The following TSC22D1 variants were observed in gnomAD, a reference collection of about 807,000 sequenced individuals.
TSC22D1 encodes TSC22 domain family member 1, also known as TSC22 domain family protein 1.
A neutral mutation model predicts 74.2 loss-of-function variants in TSC22D1; 9 were observed. The observed-to-expected ratio is 0.12, with a 90% CI of 0.07 to 0.21. The LOEUF (loss-of-function observed/expected upper bound fraction) is 0.21, where lower values mean the gene tolerates loss of function less well. TSC22D1 is among the 10% of genes least tolerant of loss of function. TSC22D1 has a pLI of 1.00. For missense variants in TSC22D1, 1,427 were observed against 1,304.7 expected (o/e 1.09, Z -1.44); for synonymous variants, 586 against 492.5 (o/e 1.19, Z -2.51).
chr13:44,542,443 A>G (rs960339792), intron 1 of TSC22D1, among the ~76,000 whole-genome samples: 1 of 152,134 alleles, frequency 6.6e-6, no homozygotes, highest in African/African-American at 2.4e-5. Context: ...CACACACCAC[A>G]GTATAATATA....
At chr13:44,561,128 T>TA (rs1213298679) in intron 1 of TSC22D1, among the ~76,000 whole-genome samples, 1 of 152,182 alleles carries the variant, frequency 6.6e-6, no homozygotes, top group African/African-American at 2.4e-5. Context: ...TTGGGCTCCT[T>TA]ACATTCCACA....
At chr13:44,534,361 T>TAAAAAAAAA (rs61378692) in intron 1 of TSC22D1, among the ~76,000 whole-genome samples, 1 of 107,274 alleles carries the variant, frequency 9.3e-6, no homozygotes, top group Non-Finnish European at 2.0e-5. Flanking sequence ...GACCCCGTCT[T>TAAAAAAAAA]AAAAAAAAAA....
chr13:44,477,091 G>A (rs1004370239), intron 1 of TSC22D1, among the ~76,000 whole-genome samples: 3 of 152,020 alleles, frequency 2.0e-5, no homozygotes, highest in African/African-American at 4.8e-5. Flanking sequence ...AATGATTTTC[G>A]TGCCTCAGCC....
chr13:44,527,218 G>A (rs74467491), intron 1 of TSC22D1, among the ~76,000 whole-genome samples: 3,517 of 152,032 alleles, frequency 0.023, 125 homozygotes, highest in African/African-American at 0.078. Flanking sequence ...ATAGGTTACC[G>A]ATCTGCACAA....
intron 1 of TSC22D1, among the ~76,000 whole-genome samples, chr13:44,454,786 T>C (rs748451175): frequency 3.3e-5 from 5 of 152,076 alleles, no homozygotes; most frequent in Non-Finnish European, 7.4e-5. Context: ...CGCAAAGGAG[T>C]TATGTGACTT....
intron 1 of TSC22D1, among the ~76,000 whole-genome samples, chr13:44,465,579 G>A (rs199939077): frequency 5.1e-4 from 78 of 152,280 alleles, no homozygotes; most frequent in African/African-American, 1.9e-3. Flanking sequence ...TAGACCAGAG[G>A]GGGCACTGGC....
chr13:44,538,738 C>T (rs1479367564), intron 1 of TSC22D1: 4 of 985,276 alleles, frequency 4.1e-6, no homozygotes, highest in Non-Finnish European at 4.8e-6. Context: ...CTGGCTCATC[C>T]TTGTGTCTTC....
At chr13:44,474,901 T>C (rs1322169526) in intron 1 of TSC22D1, among the ~76,000 whole-genome samples, 1 of 152,108 alleles carries the variant, frequency 6.6e-6, no homozygotes, top group Non-Finnish European at 1.5e-5. Flanking sequence ...CCCAGTACAA[T>C]AAGGCCTCAT....
chr13:44,451,218 AACAG>A (rs1236873277), intron 1 of TSC22D1, among the ~76,000 whole-genome samples: 4 of 152,216 alleles, frequency 2.6e-5, no homozygotes, highest in African/African-American at 4.8e-5. Context: ...GTTAGACAGA[AACAG>A]ACAGACGGCA....
At chr13:44,444,305 A>G (rs922656873) in intron 1 of TSC22D1, among the ~76,000 whole-genome samples, 3 of 140,192 alleles carry the variant, frequency 2.1e-5, no homozygotes, top group African/African-American at 8.0e-5. Context: ...AAAAAAAAAA[A>G]AAAGAAAAGA....
rs530892485 is a variant in TSC22D1 at position 44,458,356 on chromosome 13, T to C, written c.2913-22261A>G. On this transcript the variant is annotated intron_variant, in intron 1 of 2. Transcript: ENST00000458659. ...GATTTTGAGCACTGGAGTTAGAGCC[T>C]AATTCAAATTTCCAAAAATCACTTA... is the stretch of plus-strand genomic sequence containing the variant. 3.0e-4 allele frequency among the ~76,000 whole-genome samples: 45 copies of C among 152,350 alleles called. 1 individual carries two copies. In the South Asian group the frequency reaches 8.7e-3, roughly 29 times the overall value.
At chr13:44,551,370 C>A (rs1595158731) in intron 1 of TSC22D1, among the ~76,000 whole-genome samples, 3 of 122,740 alleles carry the variant, frequency 2.4e-5, no homozygotes, top group Admixed American at 8.7e-5. Context: ...AAACAAAAAC[C>A]CAAAACCCCA....
At chr13:44,444,861 TGAG>T (rs769496902) in intron 1 of TSC22D1, among the ~76,000 whole-genome samples, 38 of 152,218 alleles carry the variant, frequency 2.5e-4, no homozygotes, top group Middle Eastern at 6.8e-3. Context: ...AAAACTCACA[TGAG>T]AAGAAACAGA....
intron 1 of TSC22D1, among the ~76,000 whole-genome samples, chr13:44,452,342 C>A (rs1481552221): frequency 6.6e-6 from 1 of 152,168 alleles, no homozygotes; most frequent in African/African-American, 2.4e-5. Context: ...CGGTAGGTAC[C>A]ATTCTTTTCT....
At chr13:44,562,499 G>A (rs2138202800) in intron 1 of TSC22D1, among the ~76,000 whole-genome samples, 1 of 152,248 alleles carries the variant, frequency 6.6e-6, no homozygotes, top group East Asian at 1.9e-4. Context: ...CTCACATTTA[G>A]TATCAACAGT....
chr13:44,446,929 A>G (rs924482698), intron 1 of TSC22D1, among the ~76,000 whole-genome samples: 1 of 152,110 alleles, frequency 6.6e-6, no homozygotes, highest in Non-Finnish European at 1.5e-5. Context: ...TTTTTATTGT[A>G]GTAAAAAACA....
chr13:44,550,874 T>G (rs904034002), intron 1 of TSC22D1, among the ~76,000 whole-genome samples: 1 of 151,062 alleles, frequency 6.6e-6, no homozygotes, highest in Admixed American at 6.6e-5. Context: ...CCCTGGAGGT[T>G]GAGGCTGCAA....
chr13:44,453,345 A>T (rs1242810484), intron 1 of TSC22D1, among the ~76,000 whole-genome samples: 1 of 152,224 alleles, frequency 6.6e-6, no homozygotes. Context: ...GTCAATTTTT[A>T]AAATGCACAA....
intron 1 of TSC22D1, among the ~76,000 whole-genome samples, chr13:44,561,224 G>T (rs2138197449): frequency 6.6e-6 from 1 of 152,170 alleles, no homozygotes; most frequent in South Asian, 2.1e-4. Flanking sequence ...AGGCCAAAGG[G>T]ACTGATTCAA....
Sources: gnomAD v4.1 joint callset for allele counts (sites outside exome capture counted in the v4.1 genomes callset) on GRCh38, gnomAD v4.1.1 for gene constraint, MANE v1.5 for transcripts, NCBI Gene and HGNC (gene_info 2026-07-23, HGNC 2026-07-21) for gene names.